ARHGAP28: variants seen among roughly 807,000 people sequenced by gnomAD.
ARHGAP28 encodes the protein Rho GTPase activating protein 28.
ARHGAP28 carries 56 observed loss-of-function variants against 90.7 expected under a neutral mutation model. That is an observed-to-expected ratio of 0.62 (90% CI 0.50 to 0.77). The LOEUF (loss-of-function observed/expected upper bound fraction) is 0.77, where lower values mean the gene tolerates loss of function less well. ARHGAP28 is among the 30% of genes least tolerant of loss of function. The pLI, the probability that ARHGAP28 is intolerant of heterozygous loss-of-function variation, is 0.00. For synonymous variants in ARHGAP28, 308 were observed against 323.3 expected (o/e 0.95, Z 0.51); for missense variants, 869 against 900.9 (o/e 0.96, Z 0.45).
At chr18:6,833,979 C>G (rs1443225034) in intron 2 of ARHGAP28, among the ~76,000 whole-genome samples, 1 of 152,058 alleles carries the variant, frequency 6.6e-6, no homozygotes, top group Non-Finnish European at 1.5e-5. Context: ...CATTTAAAAA[C>G]AACTGCTGAA....
intron 15 of ARHGAP28, among the ~76,000 whole-genome samples, chr18:6,896,147 A>G (rs1290087645): frequency 6.6e-6 from 1 of 152,242 alleles, no homozygotes; most frequent in Non-Finnish European, 1.5e-5. Context: ...GGTCTTCTTA[A>G]AATATATTGA....
At chr18:6,862,519 C>T (rs564744142) in intron 5 of ARHGAP28, among the ~76,000 whole-genome samples, 1 of 152,326 alleles carries the variant, frequency 6.6e-6, no homozygotes, top group Non-Finnish European at 1.5e-5. Flanking sequence ...GAAATGCCAA[C>T]TTTATGAGAA....
At position 6,913,933 on chromosome 18, in the gene ARHGAP28, T is replaced by A. The variant is rs1337729604; in HGVS notation, c.*1779T>A. 1 of 152,194 alleles carries A rather than the reference T, an allele frequency of 6.6e-6. No individual in the cohort carries two copies. The highest frequency in any genetic ancestry group is 2.4e-5 in the African/African-American group (1 of 41,454). 9.4% of individuals were successfully genotyped at this position (152,194 alleles called of 1,614,324 possible). A position where few individuals can be genotyped will look rare whatever the true frequency, so the allele number is the denominator to read the frequency against. On this transcript the variant is annotated 3_prime_UTR_variant, in exon 18 of 18. Transcript: ENST00000383472. ...AGGGTAAACATTTTACTTTATGTAA[T>A]TGCCACATCCCAAGATGTAAAACGG...
chr18:6,894,603 T>TG (rs2057291329), intron 14 of ARHGAP28, among the ~76,000 whole-genome samples: 2 of 152,258 alleles, frequency 1.3e-5, no homozygotes, highest in Admixed American at 6.5e-5. Context: ...CTTTTGCTGT[T>TG]ACAATCTGTG....
chr18:6,824,965 G>T lies in ARHGAP28; in HGVS notation c.325+1G>T, dbSNP rs748846693. 14 of 1,528,168 alleles carry T rather than the reference G, an allele frequency of 9.2e-6. No individual in the cohort carries two copies. In the South Asian group the frequency reaches 1.7e-4, roughly 18 times the overall value. The allele number at this position is 1,528,168 out of a possible 1,614,324, so 94.7% of individuals were successfully genotyped here. A position where few individuals can be genotyped will look rare whatever the true frequency, so the allele number is the denominator to read the frequency against. ...CCAGCTGAGGTCACACCTGTGGATGGTAAGTTGCTGGATTTGTCTTCCTAT... is the reference window on the plus strand; with the variant it reads ...CCAGCTGAGGTCACACCTGTGGATGTTAAGTTGCTGGATTTGTCTTCCTAT... On this transcript the variant is annotated splice_donor_variant, in intron 2 of 17. Coordinates refer to ENST00000383472, the MANE Select transcript of ARHGAP28 (RefSeq NM_001366230.1). LOFTEE classifies it high-confidence loss of function.
At chr18:6,744,294 A>G (rs1346127738) in intron 1 of ARHGAP28, among the ~76,000 whole-genome samples, 1 of 152,012 alleles carries the variant, frequency 6.6e-6, no homozygotes, top group Non-Finnish European at 1.5e-5. Flanking sequence ...GAAATATGAG[A>G]TGAGGGTGGG....
intron 3 of ARHGAP28, among the ~76,000 whole-genome samples, chr18:6,839,710 A>C (rs1296413245): frequency 6.6e-6 from 1 of 152,180 alleles, no homozygotes; most frequent in African/African-American, 2.4e-5. Context: ...GAATTGTACT[A>C]TTTGTACTAA....
rs1384102204 is a variant in ARHGAP28 at position 6,824,775 on chromosome 18, C to T, written c.136C>T (p.Arg46Cys). 9 of 1,534,960 alleles carry T rather than the reference C, an allele frequency of 5.9e-6. No individual in the cohort carries two copies. The highest frequency in any genetic ancestry group is 2.0e-5 in the Admixed American group (1 of 50,696). ...TTCTTTCCTCAGAAAATCCATTCCT[C>T]GCTGCCGAAGAATTAACAGGATGCT... ...SHPLSRKSIP[R>C]CRRINRMLSN... Residue 46 changes from arginine to cysteine, a missense_variant, in exon 2 of 18, where the codon CGC becomes TGC. Physicochemically the swap from Arg to Cys is radical, Grantham distance 180. Coordinates refer to ENST00000383472, the MANE Select transcript of ARHGAP28 (RefSeq NM_001366230.1).
intron 1 of ARHGAP28, among the ~76,000 whole-genome samples, chr18:6,793,522 C>G (rs955707502): frequency 6.6e-6 from 1 of 152,138 alleles, no homozygotes; most frequent in Non-Finnish European, 1.5e-5. Flanking sequence ...AGGTTATGCT[C>G]TAAGTGGAAG....
chr18:6,848,138 T>C (rs2056881111), intron 3 of ARHGAP28, among the ~76,000 whole-genome samples: 2 of 152,126 alleles, frequency 1.3e-5, no homozygotes, highest in South Asian at 4.1e-4. Context: ...TTAGGATCCA[T>C]GAGCCAGTCA....
At chr18:6,828,130 C>T (rs530356273) in intron 2 of ARHGAP28, among the ~76,000 whole-genome samples, 3 of 152,314 alleles carry the variant, frequency 2.0e-5, no homozygotes, top group Non-Finnish European at 2.9e-5. Context: ...TGGCAGATCA[C>T]TCGCGGTTAG....
Position 6,873,666 on chromosome 18 carries a change from T to C in ARHGAP28, c.1121-18T>C. 6.2e-7 allele frequency: 1 copy of C among 1,611,166 alleles called. No homozygotes were observed. The stretch of plus-strand genomic sequence containing the variant: ...CTAATTCTTTTTTTTTTTCCCCCTT[T>C]ACTGTCTCACAATGAAGACAATGGG... On this transcript the variant is annotated intron_variant, in intron 8 of 17. Coordinates refer to ENST00000383472, the MANE Select transcript of ARHGAP28 (RefSeq NM_001366230.1).
At chr18:6,784,397 C>T (rs1048024368) in intron 1 of ARHGAP28, among the ~76,000 whole-genome samples, 6 of 152,166 alleles carry the variant, frequency 3.9e-5, no homozygotes, top group Admixed American at 1.3e-4. Context: ...GTTGGGTTTA[C>T]GCGTTCTGAA....
intron 1 of ARHGAP28, among the ~76,000 whole-genome samples, chr18:6,754,059 T>C (rs937470666): frequency 2.6e-5 from 4 of 152,224 alleles, no homozygotes; most frequent in African/African-American, 9.6e-5. Context: ...AATATGACCA[T>C]TTGCATGAAA....
At chr18:6,782,590 G>GTTTTTTTTTTTTTT (rs1567945690) in intron 1 of ARHGAP28, among the ~76,000 whole-genome samples, 2 of 20,924 alleles carry the variant, frequency 9.6e-5, no homozygotes, top group Admixed American at 6.7e-4. Flanking sequence ...GCTAATTTTT[G>GTTTTTTTTTTTTTT]TATTTTTTTT....
intron 1 of ARHGAP28, among the ~76,000 whole-genome samples, chr18:6,820,301 T>C (rs574312804): frequency 1.1e-4 from 16 of 152,318 alleles, no homozygotes; most frequent in African/African-American, 3.6e-4. Flanking sequence ...ATTGGAAGAC[T>C]AAGCTGACTG....
chr18:6,793,523 T>C (rs559828860), intron 1 of ARHGAP28, among the ~76,000 whole-genome samples: 3 of 152,328 alleles, frequency 2.0e-5, no homozygotes, highest in African/African-American at 7.2e-5. Flanking sequence ...GGTTATGCTC[T>C]AAGTGGAAGA....
chr18:6,798,137 A>C (rs2056455607), intron 1 of ARHGAP28, among the ~76,000 whole-genome samples: 2 of 152,142 alleles, frequency 1.3e-5, no homozygotes, highest in Admixed American at 6.6e-5. Flanking sequence ...ATTCATATGC[A>C]AAAAAACACC....
rs538085291 is a variant in ARHGAP28 at position 6,774,553 on chromosome 18, A to T, written c.122+44610A>T. Reference sequence around the variant, plus strand: ...GTTCTTAATAGATGGTTAAAAATGAATTGCTTAGAAGTCTTTTGATTCCTA... The same window carrying T: ...GTTCTTAATAGATGGTTAAAAATGATTTGCTTAGAAGTCTTTTGATTCCTA... On this transcript the variant is annotated intron_variant, in intron 1 of 17. Transcript: ENST00000383472. Among the ~76,000 whole-genome samples the T allele has an allele frequency of 1.1e-3, 166 of 152,316 alleles. 1 individual carries two copies. Among genetic ancestry groups the T allele is most frequent in the Non-Finnish European group, 1.5e-3 (102 of 68,038 alleles).
Sources: gnomAD v4.1 joint callset for allele counts (sites outside exome capture counted in the v4.1 genomes callset) on GRCh38, gnomAD v4.1.1 for gene constraint, MANE v1.5 for transcripts, NCBI Gene and HGNC (gene_info 2026-07-23, HGNC 2026-07-21) for gene names.